Variants in FBXL7 observed in about 807,000 individuals in gnomAD.
FBXL7 encodes F-box and leucine rich repeat protein 7, also known as F-box/LRR-repeat protein 7.
A neutral mutation model predicts 38.3 loss-of-function variants in FBXL7; 12 were observed. The ratio of observed to expected loss-of-function variants is 0.31; its 90% confidence interval spans 0.20 to 0.51. The LOEUF is 0.51. Among genes scored for constraint, FBXL7 ranks in the 20% least tolerant of loss-of-function variants. The pLI, the probability that FBXL7 is intolerant of heterozygous loss-of-function variation, is 0.98. For synonymous variants in FBXL7, 297 were observed against 300.9 expected, an observed-to-expected ratio of 0.99 and a Z score of 0.13; for missense variants, 567 against 676.4, an observed-to-expected ratio of 0.84 and a Z score of 1.79.
intron 2 of FBXL7, among the ~76,000 whole-genome samples, chr5:15,673,875 A>G (rs1403874615): frequency 6.6e-6 from 1 of 152,136 alleles, no homozygotes; most frequent in East Asian, 1.9e-4. Context: ...AAAGGGAAAG[A>G]TCCAAAAACA....
chr5:15,711,042 C>T (rs1045532539), intron 2 of FBXL7, among the ~76,000 whole-genome samples: 1 of 152,154 alleles, frequency 6.6e-6, no homozygotes, highest in African/African-American at 2.4e-5. Context: ...TCTAAAAAAA[C>T]AGGAGTTTTC....
chr5:15,625,514 T>C (rs902329697), intron 2 of FBXL7, among the ~76,000 whole-genome samples: 1 of 151,948 alleles, frequency 6.6e-6, no homozygotes, highest in Non-Finnish European at 1.5e-5. Context: ...ATTAGCTGAG[T>C]GTAGTGGCAT....
At chr5:15,574,306 C>CA (rs1290462781) in intron 1 of FBXL7, among the ~76,000 whole-genome samples, 1 of 152,094 alleles carries the variant, frequency 6.6e-6, no homozygotes, top group Non-Finnish European at 1.5e-5. Context: ...TATGCTTTAA[C>CA]AATAGAAATG....
intron 2 of FBXL7, among the ~76,000 whole-genome samples, chr5:15,673,078 G>A (rs1301226213): frequency 1.3e-5 from 2 of 152,208 alleles, no homozygotes; most frequent in Admixed American, 1.3e-4. Context: ...TGTAATCCCA[G>A]GCCGAGGAAG....
chr5:15,530,560 C>G (rs897853847), intron 1 of FBXL7, among the ~76,000 whole-genome samples: 2 of 152,120 alleles, frequency 1.3e-5, no homozygotes, highest in Non-Finnish European at 2.9e-5. Context: ...CCTAAGAACA[C>G]CCTAATGTTT....
intron 2 of FBXL7, among the ~76,000 whole-genome samples, chr5:15,695,704 A>G (rs984518570): frequency 6.6e-6 from 1 of 152,142 alleles, no homozygotes; most frequent in Non-Finnish European, 1.5e-5. Flanking sequence ...TCTCTGAAGT[A>G]GGCTTTATTA....
In FBXL7 at chr5:15,715,916, A is replaced by T. The variant is rs191480350; in HGVS notation, c.127+99844A>T. 3.9e-5 allele frequency among the ~76,000 whole-genome samples: 6 copies of T among 152,344 alleles called. No individual in the cohort carries two copies. In the East Asian group the frequency reaches 1.2e-3, roughly 29 times the overall value. ...AAACATCAAGCCCATTATTAACACT[A>T]CAGATATGTTTAATGCCTCAGTATT... On this transcript the variant is annotated intron_variant, in intron 2 of 3. Transcript: ENST00000504595.
intron 2 of FBXL7, among the ~76,000 whole-genome samples, chr5:15,868,782 C>G (rs1447442665): frequency 6.6e-6 from 1 of 152,156 alleles, no homozygotes; most frequent in Non-Finnish European, 1.5e-5. Context: ...TAAAGTCCTT[C>G]CTTGGTCATG....
intron 2 of FBXL7, among the ~76,000 whole-genome samples, chr5:15,725,873 TA>T (rs1209525290): frequency 1.3e-5 from 2 of 152,168 alleles, no homozygotes; most frequent in Non-Finnish European, 2.9e-5. Flanking sequence ...TTTCTGTGTT[TA>T]TTAAATCTAC....
At chr5:15,874,427 C>A (rs1245320821) in intron 2 of FBXL7, among the ~76,000 whole-genome samples, 1 of 152,058 alleles carries the variant, frequency 6.6e-6, no homozygotes, top group African/African-American at 2.4e-5. Flanking sequence ...GGCAGTCAGG[C>A]AAGAGAAAGA....
At chr5:15,793,485 A>C (rs1204600120) in intron 2 of FBXL7, among the ~76,000 whole-genome samples, 6 of 152,146 alleles carry the variant, frequency 3.9e-5, no homozygotes, top group African/African-American at 1.4e-4. Context: ...CATTTGGATA[A>C]TCTAGATGAT....
intron 2 of FBXL7, among the ~76,000 whole-genome samples, chr5:15,872,786 T>C (rs940449001): frequency 9.2e-5 from 14 of 152,146 alleles, no homozygotes; most frequent in African/African-American, 3.4e-4. Flanking sequence ...ATAAAGCAAG[T>C]TCATAGAGAC....
chr5:15,678,132 A>G (rs2126606559), intron 2 of FBXL7, among the ~76,000 whole-genome samples: 1 of 152,302 alleles, frequency 6.6e-6, no homozygotes, highest in East Asian at 1.9e-4. Context: ...AGGGATATAC[A>G]TCACATTACA....
chr5:15,683,935 G>T, intron 2 of FBXL7, among the ~76,000 whole-genome samples: 1 of 152,066 alleles, frequency 6.6e-6, no homozygotes, highest in East Asian at 1.9e-4. Flanking sequence ...AAGATTATGT[G>T]TGTTGCCTCT....
At chr5:15,847,010 A>G (rs1410491082) in intron 2 of FBXL7, among the ~76,000 whole-genome samples, 1 of 152,214 alleles carries the variant, frequency 6.6e-6, no homozygotes, top group African/African-American at 2.4e-5. Context: ...ATGAGAAAAT[A>G]GCAAATCGTA....
chr5:15,708,500 A>G (rs4407633), intron 2 of FBXL7, among the ~76,000 whole-genome samples: 81,919 of 152,076 alleles, frequency 0.54, 22,243 homozygotes, highest in East Asian at 0.68. Context: ...AACCTCTGGC[A>G]TGCAAGAAGC....
At chr5:15,620,277 A>G (rs766475576) in intron 2 of FBXL7, among the ~76,000 whole-genome samples, 42 of 148,300 alleles carry the variant, frequency 2.8e-4, no homozygotes, top group Non-Finnish European at 1.2e-4. Flanking sequence ...TTGTTGCCCA[A>G]TCTGGAGTGC....
At chr5:15,771,129 A>G (rs1010086133) in intron 2 of FBXL7, among the ~76,000 whole-genome samples, 1 of 152,212 alleles carries the variant, frequency 6.6e-6, no homozygotes, top group African/African-American at 2.4e-5. Context: ...CTAAGGTCAC[A>G]GAGTCGGTCA....
intron 1 of FBXL7, among the ~76,000 whole-genome samples, chr5:15,549,695 T>C (rs1010840764): frequency 2.6e-5 from 4 of 152,228 alleles, no homozygotes; most frequent in African/African-American, 9.6e-5. Flanking sequence ...TCTCTTGTTA[T>C]ATAAGTAGCT....
Sources: allele counts gnomAD v4.1 joint callset (sites outside exome capture counted in the v4.1 genomes callset), GRCh38; gene constraint gnomAD v4.1.1; transcripts MANE v1.5; gene names NCBI Gene and HGNC (gene_info 2026-07-23, HGNC 2026-07-21).